The following MPRIP variants were observed in gnomAD, a reference collection of about 807,000 sequenced individuals.
The protein encoded by MPRIP is myosin phosphatase Rho interacting protein, also known as myosin phosphatase Rho-interacting protein.
In MPRIP, 59 loss-of-function variants were observed where a neutral mutation model predicts 234.9. The ratio of observed to expected loss-of-function variants is 0.25; its 90% CI spans 0.20 to 0.31. MPRIP has a LOEUF of 0.31. MPRIP is among the 10% of genes least tolerant of loss of function. MPRIP has a pLI of 1.00. For missense variants in MPRIP, 2,436 were observed against 3,071.0 expected, an observed-to-expected ratio of 0.79 and a Z score of 4.89; for synonymous variants, 1,144 against 1,263.9, an observed-to-expected ratio of 0.91 and a Z score of 2.01.
At position 17,113,880 on chromosome 17, in the gene MPRIP, C is replaced by CTTT. The variant is rs1236846171; in HGVS notation, c.268-12820_268-12818dup. Among the ~76,000 whole-genome samples the CTTT allele has an allele frequency of 1.9e-3, 178 of 93,160 alleles. 13 individuals are homozygous for CTTT. Among genetic ancestry groups the CTTT allele is most frequent in the African/African-American group, 7.7e-3 (145 of 18,914 alleles). The allele number at this position is 93,160 out of a possible 152,430, so 61.1% of individuals were successfully genotyped here. ...TGTGATTTGCATTTTCTTTTCTTTT[C>CTTT]TTTTCTTTTTTTTTTTTTTTTTTTA... is the stretch of plus-strand genomic sequence containing the variant. On this transcript the variant is annotated intron_variant, in intron 3 of 23. Transcript: ENST00000651222.
At position 17,042,980 on chromosome 17, in the gene MPRIP, CTG is replaced by C. The variant is rs760724091; in HGVS notation, c.123+10_123+11del. On this transcript the variant is annotated intron_variant, in intron 1 of 23. Transcript: ENST00000651222. Reference sequence around the variant, plus strand: ...ACGAGGACCTGACGCAGGTGAGCGACTGGGGCCGGCCCGGACACCTCCGTTCT... The same window carrying C: ...ACGAGGACCTGACGCAGGTGAGCGACGGGCCGGCCCGGACACCTCCGTTCT... 1 of 1,608,868 alleles carries C rather than the reference CTG, an allele frequency of 6.2e-7. No individual in the cohort carries two copies. Among genetic ancestry groups the C allele is most frequent in the East Asian group, 2.2e-5 (1 of 44,622 alleles).
chr17:17,111,028 G>A (rs577043625), intron 3 of MPRIP, among the ~76,000 whole-genome samples: 2 of 151,880 alleles, frequency 1.3e-5, no homozygotes, highest in African/African-American at 2.4e-5. Flanking sequence ...GCACTGCACT[G>A]ATGTATTAAT....
At chr17:17,162,256 G>A (rs1463264981) in intron 15 of MPRIP, among the ~76,000 whole-genome samples, 1 of 152,226 alleles carries the variant, frequency 6.6e-6, no homozygotes, top group African/African-American at 2.4e-5. Context: ...GCGGCAGTCT[G>A]CTGCCTGTGT....
intron 3 of MPRIP, among the ~76,000 whole-genome samples, chr17:17,100,873 C>T (rs1160311079): frequency 1.3e-5 from 2 of 152,178 alleles, no homozygotes; most frequent in Non-Finnish European, 2.9e-5. Context: ...AACTGCCTTC[C>T]ACAAAAGTGG....
rs894107550 is a variant in MPRIP at position 17,190,207 on chromosome 17, A to G, written c.*5313A>G. 6.6e-6 allele frequency: 1 copy of G among 152,168 alleles called. No individual in the cohort carries two copies. The highest frequency in any genetic ancestry group is 6.6e-5 in the Admixed American group (1 of 15,260). 9.4% of individuals were successfully genotyped at this position (152,168 alleles called of 1,614,324 possible). Reference sequence around the variant, plus strand: ...CACTTTAAAGATGTAAACTCAGTAGATTTTTCATCCAGTGAACGGTCATCT... The same window carrying G: ...CACTTTAAAGATGTAAACTCAGTAGGTTTTTCATCCAGTGAACGGTCATCT... On this transcript the variant is annotated 3_prime_UTR_variant, in exon 24 of 24. Transcript: ENST00000651222.
At chr17:17,134,925 C>T (rs2090665173) in intron 5 of MPRIP, among the ~76,000 whole-genome samples, 2 of 152,240 alleles carry the variant, frequency 1.3e-5, no homozygotes. Flanking sequence ...TATAAAGAAC[C>T]TGTGTCATCT....
Position 17,146,025 on chromosome 17 carries a change from C to G in MPRIP, c.1504-11C>G. 2 of 1,613,570 alleles carry G rather than the reference C, an allele frequency of 1.2e-6. No homozygotes were observed. The highest frequency in any genetic ancestry group is 1.7e-6 in the Non-Finnish European group (2 of 1,179,718). On this transcript the variant is annotated splice_polypyrimidine_tract_variant and intron_variant, in intron 9 of 23. Coordinates refer to ENST00000651222, the MANE Select transcript of MPRIP (RefSeq NM_001364716.4). Reference sequence around the variant, plus strand: ...TTTCCTCTGAGCTGTTCTTTTTTCTCCCTTTCTCAGCCCGACCTGCTGAAT... The same window carrying G: ...TTTCCTCTGAGCTGTTCTTTTTTCTGCCTTTCTCAGCCCGACCTGCTGAAT...
intron 3 of MPRIP, among the ~76,000 whole-genome samples, chr17:17,081,275 T>C (rs1437947332): frequency 2.6e-5 from 4 of 152,230 alleles, no homozygotes; most frequent in African/African-American, 4.8e-5. Flanking sequence ...TAATTCTTGG[T>C]GTGTCTCCCC....
intron 15 of MPRIP, among the ~76,000 whole-genome samples, chr17:17,162,441 ACTCT>A (rs1474249870): frequency 6.6e-6 from 1 of 151,526 alleles, no homozygotes; most frequent in Non-Finnish European, 1.5e-5. Flanking sequence ...CTCTTTGCAG[ACTCT>A]CTGCTGTTTC....
At chr17:17,063,520 G>C (rs1381584664) in intron 1 of MPRIP, among the ~76,000 whole-genome samples, 2 of 152,168 alleles carry the variant, frequency 1.3e-5, no homozygotes, top group African/African-American at 4.8e-5. Flanking sequence ...GGACCATAGA[G>C]GGCCTTCTGG....
chr17:17,154,666 A>C (rs2045688680), intron 13 of MPRIP, among the ~76,000 whole-genome samples: 1 of 152,200 alleles, frequency 6.6e-6, no homozygotes, highest in African/African-American at 2.4e-5. Flanking sequence ...GGTCATTAGA[A>C]CTGGGCTTTG....
At position 17,169,232 on chromosome 17, in the gene MPRIP, C is replaced by T. The variant is rs541947607; in HGVS notation, c.6324+1317C>T. 547 of 352,372 alleles carry T rather than the reference C, an allele frequency of 1.6e-3. 2 individuals carry two copies. Among genetic ancestry groups the T allele is most frequent in the Middle Eastern group, 7.0e-3 (17 of 2,446 alleles). 21.8% of individuals were successfully genotyped at this position (352,372 alleles called of 1,614,324 possible). A position where few individuals can be genotyped will look rare whatever the true frequency, so the allele number is the denominator to read the frequency against. On this transcript the variant is annotated intron_variant, in intron 16 of 23. Transcript: ENST00000651222. The stretch of plus-strand genomic sequence containing the variant: ...ACTGAGATGGGTGGATCCAGGTGCA[C>T]CTTGAAAAGTTAATTGCACAAACCT...
chr17:17,096,730 C>G (rs1421445811), intron 3 of MPRIP: 2 of 470,868 alleles, frequency 4.2e-6, no homozygotes, highest in Non-Finnish European at 8.8e-6. Flanking sequence ...TACCCAGGGC[C>G]TCAGAGCACT....
chr17:17,146,139 G>A (rs1765889648), intron 10 of MPRIP, 47 bp downstream of exon 10: 11 of 1,562,784 alleles, frequency 7.0e-6, no homozygotes, highest in Admixed American at 1.7e-5. Context: ...TGGGGACAGG[G>A]TGAGGGTGAG....
rs552096716 is a variant in MPRIP, at chr17:17,126,572, T to C, written c.268-130T>C. ...GGGATGGGCACAAAGGAAGAGGAGCTGGGGCTGGAGTGAGGGAGAGCACTC... is the reference window on the plus strand; with the variant it reads ...GGGATGGGCACAAAGGAAGAGGAGCCGGGGCTGGAGTGAGGGAGAGCACTC... On this transcript the variant is annotated intron_variant, in intron 3 of 23. Coordinates refer to ENST00000651222, the MANE Select transcript of MPRIP (RefSeq NM_001364716.4). 3.8e-6 allele frequency: 4 copies of C among 1,064,092 alleles called. No homozygotes were observed. The African/African-American group carries it at 4.8e-5, about 13-fold the overall frequency. 65.9% of individuals were successfully genotyped at this position (1,064,092 alleles called of 1,614,324 possible).
chr17:17,140,843 C>T (rs1037060690), intron 7 of MPRIP, among the ~76,000 whole-genome samples: 1 of 152,184 alleles, frequency 6.6e-6, no homozygotes, highest in East Asian at 1.9e-4. Flanking sequence ...AGCCCTAACC[C>T]CCCTGCCCTC....
At chr17:17,100,453 A>G (rs2089937730) in intron 3 of MPRIP, among the ~76,000 whole-genome samples, 1 of 152,180 alleles carries the variant, frequency 6.6e-6, no homozygotes, top group Non-Finnish European at 1.5e-5. Context: ...TGTGTATTTC[A>G]GTTCTGCCAT....
chr17:17,118,471 A>AC (rs1171639122), intron 3 of MPRIP, among the ~76,000 whole-genome samples: 3 of 152,186 alleles, frequency 2.0e-5, no homozygotes, highest in African/African-American at 7.2e-5. Flanking sequence ...CTGGAATCAG[A>AC]CCTGACACCT....
rs183768899 is a variant in MPRIP, at chr17:17,165,291, C to T, written c.3700C>T (p.Pro1234Ser). Residue 1234 changes from proline to serine, a missense_variant, in exon 16 of 24, where the codon CCT becomes TCT. Physicochemically the swap from Pro to Ser is moderately conservative, Grantham distance 74. Coordinates refer to ENST00000651222, the MANE Select transcript of MPRIP (RefSeq NM_001364716.4). ...GGACATGGAAGAGCCACGGAGTACC[C>T]CTGAAGAGACAGAAAGGGATGGCAC... is the stretch of plus-strand genomic sequence containing the variant. ...PKDMEEPRST[P>S]EETERDGTLL... 27 of 1,303,988 alleles carry T rather than the reference C, an allele frequency of 2.1e-5. No individual in the cohort carries two copies. The East Asian group carries it at 1.4e-3, about 70-fold the overall frequency. 80.8% of individuals were successfully genotyped at this position (1,303,988 alleles called of 1,614,324 possible).
Sources: gnomAD v4.1 joint callset for allele counts (sites outside exome capture counted in the v4.1 genomes callset) on GRCh38, gnomAD v4.1.1 for gene constraint, MANE v1.5 for transcripts, NCBI Gene and HGNC (gene_info 2026-07-23, HGNC 2026-07-21) for gene names.